The following DMRT1 variants were observed in gnomAD, a reference collection of about 807,000 sequenced individuals.
DMRT1 encodes doublesex- and mab-3-related transcription factor 1.
In DMRT1, 7 loss-of-function variants were observed where a neutral mutation model predicts 32.3. That is an observed-to-expected ratio of 0.22 (90% CI 0.12 to 0.41). The LOEUF is 0.41. Ranked by LOEUF, DMRT1 falls within the 10% of genes least tolerant of loss-of-function variation. The probability of loss-of-function intolerance (pLI) is 1.00; values close to 1 mark genes in which losing one functional copy is unlikely to be tolerated. For synonymous variants in DMRT1, 278 were observed against 206.1 expected, an observed-to-expected ratio of 1.35 and a Z score of -2.99; for missense variants, 625 against 500.5, an observed-to-expected ratio of 1.25 and a Z score of -2.37.
At chr9:902,153 GC>G (rs1158764598) in intron 3 of DMRT1, among the ~76,000 whole-genome samples, 7 of 150,952 alleles carry the variant, frequency 4.6e-5, no homozygotes, top group Non-Finnish European at 8.8e-5. Flanking sequence ...CAGGTGATCC[GC>G]CCCCCTCAGC....
intron 4 of DMRT1, among the ~76,000 whole-genome samples, chr9:954,093 G>A (rs912480455): frequency 3.9e-5 from 6 of 152,134 alleles, no homozygotes; most frequent in African/African-American, 1.4e-4. Context: ...CAAAGGCAGG[G>A]GACCTTAGAG....
In DMRT1 at chr9:926,686, GTA is replaced by G. The variant is rs1491237458; in HGVS notation, c.967+9780_967+9781del. 2.4e-3 allele frequency among the ~76,000 whole-genome samples: 363 copies of G among 149,092 alleles called. 7 individuals carry two copies. In the South Asian group the frequency reaches 0.03, roughly 12 times the overall value. ...AGATTGCAGCCTAGAGAAGACACAG[GTA>G]GAGAGAGAGAGAGAGAGAGAGAGAG... On this transcript the variant is annotated intron_variant, in intron 4 of 4. Transcript: ENST00000382276.
At chr9:861,941 A>G in intron 2 of DMRT1, among the ~76,000 whole-genome samples, 1 of 139,412 alleles carries the variant, frequency 7.2e-6, no homozygotes, top group African/African-American at 2.7e-5. Context: ...ATCCCAGATG[A>G]TGGGCGGGCG....
At chr9:957,762 C>G (rs935339866) in intron 4 of DMRT1, among the ~76,000 whole-genome samples, 2 of 152,192 alleles carry the variant, frequency 1.3e-5, no homozygotes, top group Admixed American at 6.5e-5. Flanking sequence ...GTAATCCCAG[C>G]ACTTTGGGAG....
chr9:896,769 C>T (rs558087428), intron 3 of DMRT1, among the ~76,000 whole-genome samples: 65 of 151,718 alleles, frequency 4.3e-4, no homozygotes, highest in African/African-American at 1.4e-3. Flanking sequence ...GCAGAGATCG[C>T]GCCATTGTAC....
intron 2 of DMRT1, among the ~76,000 whole-genome samples, chr9:853,877 C>T (rs962310432): frequency 6.6e-6 from 1 of 152,040 alleles, no homozygotes; most frequent in Non-Finnish European, 1.5e-5. Flanking sequence ...CTCACTGCAT[C>T]CTCCAACTCC....
chr9:854,195 T>C (rs962152893), intron 2 of DMRT1, among the ~76,000 whole-genome samples: 3 of 151,514 alleles, frequency 2.0e-5, no homozygotes, highest in Admixed American at 1.3e-4. Flanking sequence ...TAGCTCACCG[T>C]AGCCTCAAAC....
chr9:872,382 A>G (rs893339125), intron 2 of DMRT1, among the ~76,000 whole-genome samples: 1 of 152,238 alleles, frequency 6.6e-6, no homozygotes, highest in African/African-American at 2.4e-5. Context: ...TCTTAAGGTG[A>G]TGTTTAATAT....
At chr9:863,280 T>C (rs914899874) in intron 2 of DMRT1, among the ~76,000 whole-genome samples, 1 of 148,524 alleles carries the variant, frequency 6.7e-6, no homozygotes, top group South Asian at 2.1e-4. Context: ...ATCATGCCAC[T>C]GCATTTCAGC....
chr9:958,505 T>C (rs1819668197), intron 4 of DMRT1, among the ~76,000 whole-genome samples: 1 of 152,186 alleles, frequency 6.6e-6, no homozygotes, highest in Non-Finnish European at 1.5e-5. Flanking sequence ...TAGCTGGGAT[T>C]ACAGGCGCAC....
chr9:915,642 A>G (rs920663036), intron 3 of DMRT1, among the ~76,000 whole-genome samples: 1 of 152,184 alleles, frequency 6.6e-6, no homozygotes, highest in African/African-American at 2.4e-5. Context: ...ACCGACTAAC[A>G]GGATCCAGCA....
chr9:898,096 C>T (rs148213067), intron 3 of DMRT1, among the ~76,000 whole-genome samples: 10 of 152,076 alleles, frequency 6.6e-5, no homozygotes, highest in East Asian at 5.8e-4. Context: ...TAACCAGAGT[C>T]GTTTTTCTTT....
chr9:926,594 AT>A (rs1214012889), intron 4 of DMRT1, among the ~76,000 whole-genome samples: 1 of 152,054 alleles, frequency 6.6e-6, no homozygotes, highest in Non-Finnish European at 1.5e-5. Flanking sequence ...TACGACTTTA[AT>A]TTATTCTGTA....
intron 1 of DMRT1, among the ~76,000 whole-genome samples, chr9:845,111 A>G (rs559650377): frequency 2.0e-5 from 3 of 152,318 alleles, no homozygotes; most frequent in South Asian, 2.1e-4. Context: ...CTGTCATTTC[A>G]TAAGCACCAT....
chr9:862,155 GGGAGGT>G (rs1815736516), intron 2 of DMRT1, among the ~76,000 whole-genome samples: 2 of 150,592 alleles, frequency 1.3e-5, no homozygotes, highest in Non-Finnish European at 3.0e-5. Context: ...GCAGGCGGCT[GGGAGGT>G]GGAGGTTGTA....
intron 2 of DMRT1, among the ~76,000 whole-genome samples, chr9:878,216 A>G (rs891131036): frequency 8.5e-5 from 2 of 23,600 alleles, no homozygotes; most frequent in Non-Finnish European, 1.5e-4. Flanking sequence ...CCCCCACCCA[A>G]TAAAAATGTC....
intron 2 of DMRT1, among the ~76,000 whole-genome samples, chr9:887,078 C>T (rs1426569655): frequency 6.6e-6 from 1 of 152,220 alleles, no homozygotes; most frequent in East Asian, 1.9e-4. Flanking sequence ...ATAATCTCAG[C>T]TACTCCAGAG....
chr9:897,706 A>G (rs561243523), intron 3 of DMRT1, among the ~76,000 whole-genome samples: 3 of 152,172 alleles, frequency 2.0e-5, no homozygotes, highest in Non-Finnish European at 4.4e-5. Context: ...GTTCATTATA[A>G]CTGTCTCCTG....
At chr9:844,205 A>C (rs1323272) in intron 1 of DMRT1, among the ~76,000 whole-genome samples, 1 of 152,162 alleles carries the variant, frequency 6.6e-6, no homozygotes, top group Non-Finnish European at 1.5e-5. Context: ...AGAATGGGAA[A>C]CTTCAGTATT....
Sources: gnomAD v4.1 joint callset for allele counts (sites outside exome capture counted in the v4.1 genomes callset) on GRCh38, gnomAD v4.1.1 for gene constraint, MANE v1.5 for transcripts, NCBI Gene and HGNC (gene_info 2026-07-23, HGNC 2026-07-21) for gene names.